The following TUSC3 variants were observed in gnomAD, a reference collection of about 807,000 sequenced individuals.
TUSC3 encodes the protein dolichyl-diphosphooligosaccharide--protein glycosyltransferase subunit TUSC3.
A neutral mutation model predicts 44.8 loss-of-function variants in TUSC3; 45 were observed. The observed-to-expected ratio is 1.00, with a 90% CI of 0.79 to 1.29. The LOEUF (loss-of-function observed/expected upper bound fraction) is 1.29. Among genes scored for constraint, TUSC3 ranks in the 50% most tolerant of loss-of-function variants. The probability of loss-of-function intolerance (pLI) is 0.00; values close to 1 mark genes in which losing one functional copy is unlikely to be tolerated. For synonymous variants in TUSC3, 212 were observed against 152.9 expected, an observed-to-expected ratio of 1.39 and a Z score of -2.85; for missense variants, 519 against 437.9, an observed-to-expected ratio of 1.19 and a Z score of -1.65.
chr8:15,443,033 CT>C (rs1026671463), intron 1 of TUSC3, among the ~76,000 whole-genome samples: 1 of 152,218 alleles, frequency 6.6e-6, no homozygotes, highest in African/African-American at 2.4e-5. Flanking sequence ...CTTCACTCCA[CT>C]GTGGGCTATA....
chr8:15,561,452 C>T (rs10094642), intron 1 of TUSC3, among the ~76,000 whole-genome samples: 102,417 of 129,888 alleles, frequency 0.79, 42,484 homozygotes, highest in Non-Finnish European at 0.86. Context: ...TACTGCTGTC[C>T]TTTTGTTTGT....
intron 9 of TUSC3, among the ~76,000 whole-genome samples, chr8:15,754,194 C>A (rs1811825037): frequency 6.6e-6 from 1 of 151,984 alleles, no homozygotes; most frequent in Non-Finnish European, 1.5e-5. Flanking sequence ...ACACATACTC[C>A]CGAAGGTATT....
At chr8:15,699,710 T>C (rs1358079493) in intron 6 of TUSC3, among the ~76,000 whole-genome samples, 2 of 152,228 alleles carry the variant, frequency 1.3e-5, no homozygotes, top group Non-Finnish European at 2.9e-5. Flanking sequence ...TGGAATACTT[T>C]GTTGCTTGTT....
intron 1 of TUSC3, among the ~76,000 whole-genome samples, chr8:15,424,000 T>TGAGAAGGAG (rs1799774677): frequency 1.5e-5 from 2 of 136,136 alleles, no homozygotes; most frequent in African/African-American, 5.3e-5. Flanking sequence ...TTTTTTTTTT[T>TGAGAAGGAG]TTTTTTTGAG....
intron 2 of TUSC3, among the ~76,000 whole-genome samples, chr8:15,501,483 C>G (rs1430781330): frequency 6.6e-6 from 1 of 152,176 alleles, no homozygotes; most frequent in Non-Finnish European, 1.5e-5. Flanking sequence ...TCTTAAATCA[C>G]TAGTGCCTAA....
chr8:15,743,416 G>T, intron 7 of TUSC3, 122 bp from the exon 8 acceptor site: 1 of 952,730 alleles, frequency 1.0e-6, no homozygotes. Context: ...AAAGGTAATT[G>T]ATTGTATTTA....
downstream of TUSC3, among the ~76,000 whole-genome samples, chr8:15,769,206 A>C (rs916191368): frequency 6.6e-6 from 1 of 152,218 alleles, no homozygotes; most frequent in Non-Finnish European, 1.5e-5. Context: ...CCAAAACAGC[A>C]TGGTACTGGT....
At chr8:15,545,942 G>A (rs191315319) in intron 1 of TUSC3, among the ~76,000 whole-genome samples, 1 of 151,654 alleles carries the variant, frequency 6.6e-6, no homozygotes, top group African/African-American at 2.4e-5. Flanking sequence ...TGGCATATCA[G>A]ACTATAAATT....
the TUSC3 span, among the ~76,000 whole-genome samples, chr8:15,838,501 T>G: frequency 2.4e-4 from 37 of 152,228 alleles, 1 homozygote; most frequent in South Asian, 7.1e-3. Flanking sequence ...CACGTTCAAA[T>G]CCAAATGTTG....
chr8:15,522,107 A>C (rs533686179), intron 2 of TUSC3, among the ~76,000 whole-genome samples: 1 of 152,290 alleles, frequency 6.6e-6, no homozygotes, highest in South Asian at 2.1e-4. Context: ...ACAGTAGACT[A>C]TTGTTGTGTC....
At chr8:15,746,973 A>G (rs1046779802) in intron 8 of TUSC3, among the ~76,000 whole-genome samples, 1 of 151,972 alleles carries the variant, frequency 6.6e-6, no homozygotes, top group Non-Finnish European at 1.5e-5. Context: ...ATTTTCTCCC[A>G]ATATTCATTT....
At chr8:15,669,460 C>T (rs889735267) in intron 5 of TUSC3, among the ~76,000 whole-genome samples, 3 of 151,698 alleles carry the variant, frequency 2.0e-5, no homozygotes, top group African/African-American at 7.3e-5. Flanking sequence ...ATAGGCCAGT[C>T]TTTCTCATGG....
chr8:15,828,464 T>C, the TUSC3 span, among the ~76,000 whole-genome samples: 1 of 152,198 alleles, frequency 6.6e-6, no homozygotes, highest in African/African-American at 2.4e-5. Flanking sequence ...GTCTTTTTTA[T>C]TTTCTACAAG....
intron 1 of TUSC3, among the ~76,000 whole-genome samples, chr8:15,468,066 T>C (rs1266043629): frequency 6.6e-6 from 1 of 152,192 alleles, no homozygotes; most frequent in Non-Finnish European, 1.5e-5. Flanking sequence ...AGAATGAGTA[T>C]CAGGTACATC....
At chr8:15,757,220 T>C (rs1211972266) in intron 9 of TUSC3, among the ~76,000 whole-genome samples, 1 of 152,146 alleles carries the variant, frequency 6.6e-6, no homozygotes, top group Non-Finnish European at 1.5e-5. Context: ...AATATATAAA[T>C]TAAGCTTACA....
chr8:15,823,908 C>T, the TUSC3 span, among the ~76,000 whole-genome samples: 7 of 152,272 alleles, frequency 4.6e-5, no homozygotes, highest in East Asian at 5.8e-4. Context: ...TTTCCGCTAA[C>T]GGATAGTATG....
chr8:15,730,046 T>G (rs116672962), intron 6 of TUSC3, among the ~76,000 whole-genome samples: 1 of 152,058 alleles, frequency 6.6e-6, no homozygotes, highest in Non-Finnish European at 1.5e-5. Flanking sequence ...GTCACTGATA[T>G]TCGTAAGAGA....
At chr8:15,810,390 C>A in the TUSC3 span, among the ~76,000 whole-genome samples, 1 of 152,146 alleles carries the variant, frequency 6.6e-6, no homozygotes, top group Non-Finnish European at 1.5e-5. Flanking sequence ...ATAATCTCTG[C>A]ACTTTGGGAA....
intron 2 of TUSC3, among the ~76,000 whole-genome samples, chr8:15,632,482 T>C (rs2129168492): frequency 6.6e-6 from 1 of 152,302 alleles, no homozygotes; most frequent in Middle Eastern, 3.4e-3. Context: ...GTCAGATCTC[T>C]CCATTGTACA....
Sources: allele counts gnomAD v4.1 joint callset (sites outside exome capture counted in the v4.1 genomes callset), GRCh38; gene constraint gnomAD v4.1.1; transcripts MANE v1.5; gene names NCBI Gene and HGNC (gene_info 2026-07-23, HGNC 2026-07-21).